The following TTC9 variants were observed in gnomAD, a reference collection of about 807,000 sequenced individuals.
The protein encoded by TTC9 is tetratricopeptide repeat protein 9A.
TTC9 carries 13 observed loss-of-function variants against 22.9 expected under a neutral mutation model. The ratio of observed to expected loss-of-function variants is 0.57; its 90% CI spans 0.37 to 0.90. The LOEUF is 0.90. TTC9 is among the 40% of genes least tolerant of loss of function. The pLI, the probability that TTC9 is intolerant of heterozygous loss-of-function variation, is 0.01. For missense variants in TTC9, 280 were observed against 291.8 expected (o/e 0.96, Z 0.29); for synonymous variants, 148 against 133.2 (o/e 1.11, Z -0.77).
At chr14:70,655,653 T>C (rs1886054169) in intron 1 of TTC9, among the ~76,000 whole-genome samples, 1 of 152,028 alleles carries the variant, frequency 6.6e-6, no homozygotes, top group African/African-American at 2.4e-5. Context: ...TCCCCTCCCC[T>C]CCCACAGGAT....
chr14:70,655,962 G>C (rs1178996706), intron 1 of TTC9, among the ~76,000 whole-genome samples: 4 of 151,936 alleles, frequency 2.6e-5, no homozygotes, highest in Admixed American at 2.0e-4. Flanking sequence ...GCTCCTCTCA[G>C]CTTCTTAGGT....
chr14:70,661,697 TG>T (rs1478881287), intron 1 of TTC9, among the ~76,000 whole-genome samples: 1 of 152,146 alleles, frequency 6.6e-6, no homozygotes, highest in Non-Finnish European at 1.5e-5. Context: ...GCGTGGTTGC[TG>T]GGGGGAACAT....
At chr14:70,663,687 C>T (rs894382633) in intron 1 of TTC9, among the ~76,000 whole-genome samples, 10 of 152,120 alleles carry the variant, frequency 6.6e-5, no homozygotes, top group African/African-American at 2.2e-4. Context: ...GCCCTCCCTG[C>T]CCATCTGTTA....
chr14:70,652,204 T>G (rs1885994533), intron 1 of TTC9, among the ~76,000 whole-genome samples: 1 of 152,172 alleles, frequency 6.6e-6, no homozygotes, highest in South Asian at 2.1e-4. Context: ...AGCAGTCGGA[T>G]TTGGGGAAGG....
At chr14:70,651,917 C>T (rs762413107) in intron 1 of TTC9, among the ~76,000 whole-genome samples, 7 of 151,708 alleles carry the variant, frequency 4.6e-5, no homozygotes, top group Non-Finnish European at 1.5e-5. Context: ...TGGACACTCG[C>T]TATGTCTCTC....
At chr14:70,645,378 A>AT (rs1433897508) in intron 1 of TTC9, among the ~76,000 whole-genome samples, 1 of 152,110 alleles carries the variant, frequency 6.6e-6, no homozygotes, top group African/African-American at 2.4e-5. Context: ...TCCTTCCTGT[A>AT]TTTTTTTCTG....
At chr14:70,654,738 G>A (rs1304208665) in intron 1 of TTC9, among the ~76,000 whole-genome samples, 2 of 151,998 alleles carry the variant, frequency 1.3e-5, no homozygotes, top group Non-Finnish European at 2.9e-5. Flanking sequence ...TCGTGAATCG[G>A]GCAGCCTCCC....
rs1885819939 is a variant in TTC9, at chr14:70,642,109, A to G, written c.-21A>G. 1.8e-6 allele frequency: 2 copies of G among 1,092,968 alleles called. No individual in the cohort carries two copies. Among genetic ancestry groups the G allele is most frequent in the East Asian group, 1.2e-4 (2 of 16,450 alleles). The allele number at this position is 1,092,968 out of a possible 1,614,324, so 67.7% of individuals were successfully genotyped here. ...CGGCGGGCAGATCGCGGCGCGCACC[A>G]GGCGCCGGGGCGGCGGCCGAATGGA... is the stretch of plus-strand genomic sequence containing the variant. On this transcript the variant is annotated 5_prime_UTR_variant, in exon 1 of 3. Coordinates refer to ENST00000256367, the MANE Select transcript of TTC9 (RefSeq NM_015351.2).
At chr14:70,648,051 G>T (rs1034994504) in intron 1 of TTC9, among the ~76,000 whole-genome samples, 2 of 152,180 alleles carry the variant, frequency 1.3e-5, no homozygotes, top group Non-Finnish European at 2.9e-5. Flanking sequence ...GAGGTCAGGG[G>T]CTAGAGACAA....
chr14:70,656,242 CACACAT>C (rs1461155927), intron 1 of TTC9, among the ~76,000 whole-genome samples: 1 of 149,032 alleles, frequency 6.7e-6, no homozygotes, highest in African/African-American at 2.5e-5. Context: ...CACACACACA[CACACAT>C]TTATTTTTCA....
At chr14:70,655,096 A>G (rs898574077) in intron 1 of TTC9, among the ~76,000 whole-genome samples, 3 of 152,198 alleles carry the variant, frequency 2.0e-5, no homozygotes, top group African/African-American at 7.2e-5. Flanking sequence ...AAAATATAAG[A>G]AATTACAAAG....
intron 1 of TTC9, among the ~76,000 whole-genome samples, chr14:70,645,720 G>A (rs991873689): frequency 2.6e-5 from 4 of 152,148 alleles, no homozygotes; most frequent in South Asian, 2.1e-4. Context: ...CTGACCCTTC[G>A]ACCAGGTCTG....
At chr14:70,651,864 G>A (rs1885989278) in intron 1 of TTC9, among the ~76,000 whole-genome samples, 2 of 152,140 alleles carry the variant, frequency 1.3e-5, no homozygotes, top group Admixed American at 6.5e-5. Context: ...AGCAGCCGGA[G>A]CACCCGGAAG....
intron 1 of TTC9, among the ~76,000 whole-genome samples, chr14:70,650,476 G>A (rs1402420088): frequency 6.6e-6 from 1 of 152,038 alleles, no homozygotes; most frequent in Admixed American, 6.6e-5. Flanking sequence ...GTTCTTTGAA[G>A]GCTAAAATTT....
intron 1 of TTC9, among the ~76,000 whole-genome samples, chr14:70,655,793 G>C (rs74063316): frequency 0.022 from 3,319 of 152,224 alleles, 115 homozygotes; most frequent in African/African-American, 0.076. Flanking sequence ...AAGGTTATGA[G>C]ATGCAGAAGG....
chr14:70,663,595 C>T (rs2139648730), intron 1 of TTC9, among the ~76,000 whole-genome samples: 1 of 152,344 alleles, frequency 6.6e-6, no homozygotes, highest in South Asian at 2.1e-4. Context: ...TAAGGCCCCT[C>T]CTGCCTGGGT....
intron 1 of TTC9, among the ~76,000 whole-genome samples, chr14:70,654,322 G>A (rs928953347): frequency 1.3e-5 from 2 of 152,014 alleles, no homozygotes. Flanking sequence ...CGGGAGTGGT[G>A]GCTTATGCCT....
At chr14:70,667,493 A>G (rs1001950232) in intron 1 of TTC9, 71 bp from the exon 2 acceptor site, 1 of 1,554,042 alleles carries the variant, frequency 6.4e-7, no homozygotes, top group Non-Finnish European at 8.8e-7. Context: ...TCTGGAGAGA[A>G]GCAACTCAAG....
At chr14:70,648,969 C>T (rs1885941481) in intron 1 of TTC9, among the ~76,000 whole-genome samples, 1 of 152,126 alleles carries the variant, frequency 6.6e-6, no homozygotes, top group African/African-American at 2.4e-5. Context: ...AATGTCATAT[C>T]CCCAGCAAAA....
Sources: allele counts gnomAD v4.1 joint callset (sites outside exome capture counted in the v4.1 genomes callset), GRCh38; gene constraint gnomAD v4.1.1; transcripts MANE v1.5; gene names NCBI Gene and HGNC (gene_info 2026-07-23, HGNC 2026-07-21).